Variants in EPHA6 observed in about 807,000 individuals in gnomAD.
EPHA6 encodes ephrin type-A receptor 6.
Under a neutral mutation model 112.0 loss-of-function variants are expected in EPHA6, and 50 were observed. The ratio of observed to expected loss-of-function variants is 0.45; its 90% confidence interval spans 0.36 to 0.56. EPHA6 has a LOEUF of 0.56. EPHA6 is among the 20% of genes least tolerant of loss of function. EPHA6 has a pLI of 0.00. For missense variants in EPHA6, 1,280 were observed against 1,417.4 expected, an observed-to-expected ratio of 0.90 and a Z score of 1.56; for synonymous variants, 529 against 490.7, an observed-to-expected ratio of 1.08 and a Z score of -1.03.
chr3:97,484,306 T>C (rs2091643844), intron 10 of EPHA6, among the ~76,000 whole-genome samples: 1 of 152,156 alleles, frequency 6.6e-6, no homozygotes, highest in Admixed American at 6.6e-5. Context: ...AGAGATAAAT[T>C]ACAATGAAAC....
intron 5 of EPHA6, among the ~76,000 whole-genome samples, chr3:97,269,158 G>A (rs919852058): frequency 2.1e-4 from 32 of 152,116 alleles, no homozygotes; most frequent in East Asian, 9.6e-4. Context: ...ATACACATAC[G>A]CCAATTGTCC....
At position 97,749,270 on chromosome 3, in the gene EPHA6, G is replaced by T. The variant is rs2035835944; in HGVS notation, c.*569G>T. Reference sequence around the variant, plus strand: ...CAGTGATATCATGTAATGAATTTTTGTGAGGTATGACTATGGTGAGAAGGG... The same window carrying T: ...CAGTGATATCATGTAATGAATTTTTTTGAGGTATGACTATGGTGAGAAGGG... On this transcript the variant is annotated 3_prime_UTR_variant, in exon 18 of 18. Transcript: ENST00000389672. 4.6e-6 allele frequency: 1 copy of T among 216,014 alleles called. No individual in the cohort carries two copies. The highest frequency in any genetic ancestry group is 5.8e-5 in the Admixed American group (1 of 17,232). The allele number at this position is 216,014 out of a possible 1,614,324, so 13.4% of individuals were successfully genotyped here. A position where few individuals can be genotyped will look rare whatever the true frequency, so the allele number is the denominator to read the frequency against.
intron 3 of EPHA6, among the ~76,000 whole-genome samples, chr3:97,209,410 A>C (rs2077804672): frequency 6.6e-6 from 1 of 152,120 alleles, no homozygotes; most frequent in Non-Finnish European, 1.5e-5. Flanking sequence ...TTGCTTACGT[A>C]TCATCTCTGT....
At chr3:97,175,954 T>C (rs1052436161) in intron 3 of EPHA6, among the ~76,000 whole-genome samples, 1 of 151,836 alleles carries the variant, frequency 6.6e-6, no homozygotes, top group Non-Finnish European at 1.5e-5. Context: ...ATAATAGGGG[T>C]GACAGTAGGC....
chr3:97,316,068 A>G (rs1293332370), intron 5 of EPHA6, among the ~76,000 whole-genome samples: 2 of 151,902 alleles, frequency 1.3e-5, no homozygotes, highest in Non-Finnish European at 2.9e-5. Flanking sequence ...CTCAAACATT[A>G]TTTAGAACCC....
intron 5 of EPHA6, among the ~76,000 whole-genome samples, chr3:97,252,232 G>C (rs1337196339): frequency 6.6e-6 from 1 of 152,010 alleles, no homozygotes; most frequent in Non-Finnish European, 1.5e-5. Flanking sequence ...AGGGATACTT[G>C]AGCAGAAAAA....
At chr3:97,242,530 G>A (rs896146100) in intron 4 of EPHA6, among the ~76,000 whole-genome samples, 19 of 151,542 alleles carry the variant, frequency 1.3e-4, no homozygotes, top group African/African-American at 4.1e-4. Flanking sequence ...TTATTCATCC[G>A]CTTACATAGA....
intron 3 of EPHA6, among the ~76,000 whole-genome samples, chr3:97,004,806 T>G (rs1559661630): frequency 6.6e-6 from 1 of 152,114 alleles, no homozygotes; most frequent in Non-Finnish European, 1.5e-5. Flanking sequence ...CTATCTTGAG[T>G]TAATTTTTGT....
intron 4 of EPHA6, among the ~76,000 whole-genome samples, chr3:97,242,826 G>A (rs75405311): frequency 0.017 from 2,517 of 151,512 alleles, 74 homozygotes; most frequent in African/African-American, 0.057. Flanking sequence ...TTTAAATGAA[G>A]CCTTCTAAAA....
chr3:96,943,821 A>T (rs2041109211), intron 2 of EPHA6, among the ~76,000 whole-genome samples: 1 of 152,160 alleles, frequency 6.6e-6, no homozygotes, highest in South Asian at 2.1e-4. Flanking sequence ...AGCATATGTT[A>T]TGCTGAAAAA....
intron 3 of EPHA6, among the ~76,000 whole-genome samples, chr3:97,123,463 T>A (rs1215758975): frequency 6.6e-6 from 1 of 152,116 alleles, no homozygotes; most frequent in African/African-American, 2.4e-5. Context: ...TTAGGGAATT[T>A]AAGCCAATAA....
intron 3 of EPHA6, among the ~76,000 whole-genome samples, chr3:97,031,121 G>A (rs112321530): frequency 6.6e-6 from 1 of 152,122 alleles, no homozygotes; most frequent in African/African-American, 2.4e-5. Context: ...GAATAGAACA[G>A]AGCCCTGAGA....
Position 96,835,621 on chromosome 3 carries a change from AT to A in EPHA6, c.385+20614del, listed in dbSNP as rs375505928. Among the ~76,000 whole-genome samples, 441 of 152,170 alleles carry A rather than the reference AT, an allele frequency of 2.9e-3. 4 individuals carry two copies. The highest frequency in any genetic ancestry group is 9.6e-3 in the African/African-American group (399 of 41,558). Reference sequence around the variant, plus strand: ...GAGGATAAGAAGAGCCTTGAATGCTATGCTAAGTGGTTTTTGCTTTATCAAG... The same window carrying A: ...GAGGATAAGAAGAGCCTTGAATGCTAGCTAAGTGGTTTTTGCTTTATCAAG... On this transcript the variant is annotated intron_variant, in intron 1 of 17. Coordinates refer to ENST00000389672, the MANE Select transcript of EPHA6 (RefSeq NM_001080448.3).
chr3:97,400,269 A>G (rs140947876), intron 5 of EPHA6, among the ~76,000 whole-genome samples: 2 of 151,784 alleles, frequency 1.3e-5, no homozygotes, highest in African/African-American at 2.4e-5. Context: ...CTGAAAATAC[A>G]TAGGTTTATT....
At chr3:97,044,959 T>C (rs2045451259) in intron 3 of EPHA6, among the ~76,000 whole-genome samples, 3 of 152,242 alleles carry the variant, frequency 2.0e-5, no homozygotes, top group South Asian at 2.1e-4. Flanking sequence ...GGAAAAGAAC[T>C]CTTCTCATAT....
At chr3:97,161,847 T>C (rs1039476739) in intron 3 of EPHA6, among the ~76,000 whole-genome samples, 1 of 152,192 alleles carries the variant, frequency 6.6e-6, no homozygotes, top group Non-Finnish European at 1.5e-5. Context: ...TGGACCAATG[T>C]TGTATGTTGT....
chr3:97,254,162 A>G (rs766733446), intron 5 of EPHA6, among the ~76,000 whole-genome samples: 1 of 151,192 alleles, frequency 6.6e-6, no homozygotes, highest in South Asian at 2.1e-4. Context: ...CAACTCAAAT[A>G]TATATATATA....
At chr3:97,731,650 T>A (rs568652023) in intron 15 of EPHA6, among the ~76,000 whole-genome samples, 9 of 152,190 alleles carry the variant, frequency 5.9e-5, no homozygotes, top group African/African-American at 2.2e-4. Flanking sequence ...CTTTCTTACC[T>A]ATGTGTATAA....
intron 9 of EPHA6, among the ~76,000 whole-genome samples, chr3:97,480,522 CAT>C (rs1336987685): frequency 3.3e-5 from 5 of 152,080 alleles, no homozygotes; most frequent in African/African-American, 1.2e-4. Context: ...GGACACAGCA[CAT>C]GTTTCAGAGA....
Sources: allele counts gnomAD v4.1 joint callset (sites outside exome capture counted in the v4.1 genomes callset), GRCh38; gene constraint gnomAD v4.1.1; transcripts MANE v1.5; gene names NCBI Gene and HGNC (gene_info 2026-07-23, HGNC 2026-07-21).